The following DLG2 variants were observed in gnomAD, a reference collection of about 807,000 sequenced individuals.
DLG2 encodes disks large homolog 2.
In DLG2, 45 loss-of-function variants were observed where a neutral mutation model predicts 132.5. The observed-to-expected ratio is 0.34, with a 90% CI of 0.27 to 0.44. The LOEUF (loss-of-function observed/expected upper bound fraction) is 0.44, where lower values mean the gene tolerates loss of function less well. Among genes scored for constraint, DLG2 ranks in the 20% least tolerant of loss-of-function variants. DLG2 has a pLI of 1.00. For synonymous variants in DLG2, 424 were observed against 419.6 expected, an observed-to-expected ratio of 1.01 and a Z score of -0.13; for missense variants, 1,045 against 1,196.9, an observed-to-expected ratio of 0.87 and a Z score of 1.87.
intron 3 of DLG2, among the ~76,000 whole-genome samples, chr11:85,432,847 A>AC (rs1161617961): frequency 6.6e-6 from 1 of 152,076 alleles, no homozygotes; most frequent in African/African-American, 2.4e-5. Flanking sequence ...GAGAAGAACA[A>AC]CCCCAAGACA....
At chr11:85,134,906 CAAGT>C (rs1328617287) in intron 5 of DLG2, among the ~76,000 whole-genome samples, 2 of 152,114 alleles carry the variant, frequency 1.3e-5, no homozygotes, top group Non-Finnish European at 2.9e-5. Context: ...TAAGAAATTT[CAAGT>C]AAGTTTCAAG....
At chr11:85,137,412 A>G (rs1418935014) in intron 5 of DLG2, among the ~76,000 whole-genome samples, 1 of 152,116 alleles carries the variant, frequency 6.6e-6, no homozygotes, top group Non-Finnish European at 1.5e-5. Context: ...CACAAAACCT[A>G]GGTGACCCCA....
chr11:84,673,891 G>A (rs1021868660), intron 6 of DLG2, among the ~76,000 whole-genome samples: 1 of 152,138 alleles, frequency 6.6e-6, no homozygotes, highest in Admixed American at 6.6e-5. Flanking sequence ...TTCAGCACAG[G>A]GACAGCAAAC....
At chr11:83,496,825 C>G (rs1216494339) in intron 21 of DLG2, among the ~76,000 whole-genome samples, 2 of 152,130 alleles carry the variant, frequency 1.3e-5, no homozygotes, top group Non-Finnish European at 2.9e-5. Context: ...TGACACCTCC[C>G]AAAACTGTAT....
At chr11:83,751,071 CAG>C (rs1158829053) in intron 18 of DLG2, among the ~76,000 whole-genome samples, 1 of 152,134 alleles carries the variant, frequency 6.6e-6, no homozygotes, top group Non-Finnish European at 1.5e-5. Context: ...TGTAAAAAGT[CAG>C]AATACAAAGC....
chr11:85,054,352 T>A (rs879910319), intron 6 of DLG2, among the ~76,000 whole-genome samples: 1 of 151,936 alleles, frequency 6.6e-6, no homozygotes. Flanking sequence ...ATGGCTATTA[T>A]TAAAAAGTCA....
chr11:84,311,612 T>C (rs2098288142), intron 7 of DLG2, among the ~76,000 whole-genome samples: 1 of 152,212 alleles, frequency 6.6e-6, no homozygotes, highest in Non-Finnish European at 1.5e-5. Context: ...GGTGTTCATC[T>C]AGAAAACCAG....
intron 9 of DLG2, among the ~76,000 whole-genome samples, chr11:84,129,960 T>C (rs1413144447): frequency 6.6e-6 from 1 of 152,086 alleles, no homozygotes; most frequent in East Asian, 1.9e-4. Context: ...TATTAAATAG[T>C]TAATATTTTC....
At chr11:83,726,633 ATC>A (rs1378707551) in intron 18 of DLG2, among the ~76,000 whole-genome samples, 1 of 152,108 alleles carries the variant, frequency 6.6e-6, no homozygotes, top group Non-Finnish European at 1.5e-5. Context: ...CCTGTAGACC[ATC>A]TCTCTGTTAG....
At chr11:83,918,419 C>G (rs905617661) in intron 15 of DLG2, among the ~76,000 whole-genome samples, 3 of 152,144 alleles carry the variant, frequency 2.0e-5, no homozygotes, top group Admixed American at 2.0e-4. Flanking sequence ...GTTGCCATCC[C>G]CATTCTTCCT....
intron 6 of DLG2, among the ~76,000 whole-genome samples, chr11:84,610,102 A>G (rs899196933): frequency 6.6e-6 from 1 of 152,166 alleles, no homozygotes; most frequent in Non-Finnish European, 1.5e-5. Context: ...AAGTAATCCA[A>G]TATTTATCAG....
chr11:84,764,476 G>C (rs572530471), intron 6 of DLG2, among the ~76,000 whole-genome samples: 75 of 152,164 alleles, frequency 4.9e-4, no homozygotes, highest in African/African-American at 1.6e-3. Flanking sequence ...GCCAAGCACT[G>C]TTCTAAGCAC....
chr11:83,814,449 C>T (rs2048277271), intron 17 of DLG2: 1 of 211,586 alleles, frequency 4.7e-6, no homozygotes, highest in Admixed American at 4.2e-5. Context: ...GATAGCTTTA[C>T]ACAACTTTAA....
intron 7 of DLG2, among the ~76,000 whole-genome samples, chr11:84,481,641 C>G (rs1283509711): frequency 6.6e-6 from 1 of 152,178 alleles, no homozygotes; most frequent in Admixed American, 6.5e-5. Context: ...TTTCTCCAAA[C>G]TATCCCTAAA....
At chr11:85,518,128 T>G (rs557950350) in intron 3 of DLG2, among the ~76,000 whole-genome samples, 18 of 152,144 alleles carry the variant, frequency 1.2e-4, no homozygotes, top group Non-Finnish European at 2.1e-4. Flanking sequence ...TAGAGTAAAT[T>G]GATACCAGCA....
chr11:84,950,155 T>G (rs1042383972), intron 6 of DLG2, among the ~76,000 whole-genome samples: 8 of 152,298 alleles, frequency 5.3e-5, no homozygotes, highest in African/African-American at 1.7e-4. Flanking sequence ...ACATCATGCT[T>G]AACTGTCACT....
intron 4 of DLG2, among the ~76,000 whole-genome samples, chr11:85,174,029 T>G (rs1463865530): frequency 6.6e-6 from 1 of 152,110 alleles, no homozygotes; most frequent in Non-Finnish European, 1.5e-5. Context: ...GTGGGAGACT[T>G]AAACACCCTA....
At chr11:85,141,381 G>T (rs2076463516) in intron 5 of DLG2, among the ~76,000 whole-genome samples, 1 of 151,656 alleles carries the variant, frequency 6.6e-6, no homozygotes, top group African/African-American at 2.4e-5. Context: ...AGAAATCTCT[G>T]TTCAGATCTT....
rs145872159 is a variant in DLG2 at position 83,461,311 on chromosome 11, C to G, written c.2821+691G>C. ...GAGGCATAAGCCCAGCTCGAAAGTT[C>G]TTGTTTTTAAACCTCCGGGAACCAG... On this transcript the variant is annotated intron_variant, in intron 27 of 27. Coordinates refer to ENST00000376104, the MANE Select transcript of DLG2 (RefSeq NM_001142699.3). Among the ~76,000 whole-genome samples the G allele has an allele frequency of 9.0e-3, 1,367 of 152,094 alleles. 14 individuals are homozygous for G. The highest frequency in any genetic ancestry group is 0.027 in the Middle Eastern group (8 of 294).
Sources: allele counts gnomAD v4.1 joint callset (sites outside exome capture counted in the v4.1 genomes callset), GRCh38; gene constraint gnomAD v4.1.1; transcripts MANE v1.5; gene names NCBI Gene and HGNC (gene_info 2026-07-23, HGNC 2026-07-21).